The following ANXA11 variants were observed in gnomAD, a reference collection of about 807,000 sequenced individuals.
ANXA11 encodes annexin A11.
Under a neutral mutation model 64.7 loss-of-function variants are expected in ANXA11, and 57 were observed. The ratio of observed to expected loss-of-function variants is 0.88; its 90% CI spans 0.71 to 1.10. ANXA11 has a LOEUF of 1.10. Ranked by LOEUF, ANXA11 falls within the 50% of genes least tolerant of loss-of-function variation. The probability of loss-of-function intolerance (pLI) is 0.00; values close to 1 mark genes in which losing one functional copy is unlikely to be tolerated. For synonymous variants in ANXA11, 260 were observed against 265.2 expected, an observed-to-expected ratio of 0.98 and a Z score of 0.19; for missense variants, 675 against 670.7, an observed-to-expected ratio of 1.01 and a Z score of -0.07.
At chr10:80,176,299 C>G (rs1351376562) in intron 1 of ANXA11, 144 bp from the exon 2 acceptor site, 1 of 152,188 alleles carries the variant, frequency 6.6e-6, no homozygotes, top group Non-Finnish European at 1.5e-5. Context: ...TTAGCCAGCT[C>G]TGTATATGGA....
intron 4 of ANXA11, among the ~76,000 whole-genome samples, chr10:80,170,397 G>T (rs1845923957): frequency 6.6e-6 from 1 of 152,154 alleles, no homozygotes; most frequent in Non-Finnish European, 1.5e-5. Context: ...CAAGATACCT[G>T]CCACACACCC....
Position 80,175,112 on chromosome 10 carries a change from C to T in ANXA11, c.-9+995G>A, listed in dbSNP as rs541602854. Among the ~76,000 whole-genome samples the T allele has an allele frequency of 1.4e-4, 22 of 152,316 alleles. 1 individual carries two copies. In the South Asian group the frequency reaches 4.6e-3, roughly 32 times the overall value. ...TGGTGGATGAGGTCCCCGGTGGCAT[C>T]ACCTTCAGAGAGGGTGTCCCTGAGG... On this transcript the variant is annotated intron_variant, in intron 2 of 15. Transcript: ENST00000422982.
At chr10:80,191,819 T>G (rs1215180381) in intron 1 of ANXA11, among the ~76,000 whole-genome samples, 1 of 152,154 alleles carries the variant, frequency 6.6e-6, no homozygotes, top group African/African-American at 2.4e-5. Context: ...AGCCAGGACC[T>G]CACAACCGGA....
chr10:80,202,671 A>C (rs1840483371), intron 1 of ANXA11, among the ~76,000 whole-genome samples: 2 of 152,178 alleles, frequency 1.3e-5, no homozygotes, highest in South Asian at 4.1e-4. Flanking sequence ...GTGCTGGTGA[A>C]GCATACCCTT....
At chr10:80,167,095 C>G in intron 6 of ANXA11, 111 bp from the exon 7 acceptor site, 6 of 1,252,134 alleles carry the variant, frequency 4.8e-6, no homozygotes, top group Middle Eastern at 2.3e-4. Flanking sequence ...AGCCATACCC[C>G]CACATCCACC....
Position 80,169,154 on chromosome 10 carries a change from C to A in ANXA11, c.376G>T (p.Ala126Ser). Residue 126 changes from alanine (A) to serine (S), a missense_variant, in exon 5 of 16, where the codon GCC (alanine) becomes TCC (serine). Physicochemically the swap from Ala to Ser is moderately conservative, Grantham distance 99. Transcript: ENST00000422982. ...RMPSYPPYPGAPVPGQPMPPP... is the reference protein window; with the variant it reads ...RMPSYPPYPGSPVPGQPMPPP... The stretch of plus-strand genomic sequence containing the variant: ...GGCATGGGCTGGCCCGGCACAGGGG[C>A]CCCTGGGTATGGCGGATATGAGGGC... 1.9e-6 allele frequency: 3 copies of A among 1,566,118 alleles called. No individual in the cohort carries two copies. The highest frequency in any genetic ancestry group is 2.6e-6 in the Non-Finnish European group (3 of 1,160,562).
Position 80,159,199 on chromosome 10 carries a change from T to C in ANXA11, c.1181-4A>G, listed in dbSNP as rs746761934. The C allele has an allele frequency of 2.0e-5, 32 of 1,612,596 alleles. No individual in the cohort carries two copies. The highest frequency in any genetic ancestry group is 5.0e-5 in the Admixed American group (3 of 60,020). ...ATTCTCTGGTACTCATTGAAAACTA[T>C]GGGGATGACAGAGGCTTATATTATG... On this transcript the variant is annotated splice_region_variant and splice_polypyrimidine_tract_variant and intron_variant, in intron 12 of 15. Transcript: ENST00000422982.
At chr10:80,189,519 C>T (rs923411684) in intron 1 of ANXA11, among the ~76,000 whole-genome samples, 1 of 152,244 alleles carries the variant, frequency 6.6e-6, no homozygotes, top group African/African-American at 2.4e-5. Flanking sequence ...CCAGCAATCT[C>T]ACTCCTGGGC....
chr10:80,166,038 G>GCA (rs762217655), intron 8 of ANXA11, 46 bp downstream of exon 8: 89 of 557,374 alleles, frequency 1.6e-4, no homozygotes, highest in African/African-American at 5.2e-4. Flanking sequence ...GCGCACACAC[G>GCA]CGCGCACACA....
At chr10:80,183,951 G>C (rs1418779074) in intron 1 of ANXA11, among the ~76,000 whole-genome samples, 1 of 152,192 alleles carries the variant, frequency 6.6e-6, no homozygotes, top group Non-Finnish European at 1.5e-5. Flanking sequence ...TGTGGCTGTG[G>C]AATTCCATGG....
chr10:80,202,889 T>C (rs7085112), intron 1 of ANXA11, among the ~76,000 whole-genome samples: 3,245 of 151,494 alleles, frequency 0.021, 116 homozygotes, highest in African/African-American at 0.075. Flanking sequence ...CTACTAAAAA[T>C]ACAAAAATTA....
At position 80,195,782 on chromosome 10, in the gene ANXA11, C is replaced by T. The variant is rs187454440; in HGVS notation, c.-58+9561G>A. ...CAATCATGGCTGAAGGTGAAAGGCA[C>T]GTCTCACATGGCAGCAGACAAGAGA... On this transcript the variant is annotated intron_variant, in intron 1 of 15. Coordinates refer to ENST00000422982, the MANE Select transcript of ANXA11 (RefSeq NM_145868.2). The T allele has an allele frequency of 2.7e-3, 430 of 161,876 alleles. 1 individual carries two copies. The highest frequency in any genetic ancestry group is 5.7e-3 in the Admixed American group (89 of 15,672). 10.0% of individuals were successfully genotyped at this position (161,876 alleles called of 1,614,324 possible).
chr10:80,163,613 T>C lies in ANXA11; in HGVS notation c.950A>G (p.Glu317Gly), dbSNP rs1845609590. Residue 317 changes from glutamate (E) to glycine (G), a missense_variant and splice_region_variant, in exon 10 of 16, where the codon GAA becomes GGA. Glu to Gly is a moderately conservative substitution (Grantham distance 98). Transcript: ENST00000422982. The stretch of plus-strand genomic sequence containing the variant: ...GGCCTCTTCCAGGGTCTTTTTGAAT[T>C]CTGAAAGGGAGAAGCAAGGAAGGTC... ...IRELNRAYKAEFKKTLEEAIR... is the reference protein window; with the variant it reads ...IRELNRAYKAGFKKTLEEAIR... 6.4e-7 allele frequency: 1 copy of C among 1,552,460 alleles called. No homozygotes were observed. The highest frequency in any genetic ancestry group is 8.7e-7 in the Non-Finnish European group (1 of 1,148,110).
intron 15 of ANXA11, chr10:80,156,985 T>G (rs926042286): frequency 2.0e-6 from 2 of 985,264 alleles, no homozygotes; most frequent in African/African-American, 3.5e-5. Context: ...ACCACACAGC[T>G]GAGAATGTAT....
At chr10:80,157,494 G>T in intron 15 of ANXA11, 147 bp downstream of exon 15, 1 of 1,466,358 alleles carries the variant, frequency 6.8e-7, no homozygotes, top group Non-Finnish European at 9.0e-7. Flanking sequence ...TCTGTTTAAG[G>T]GCAAGGGGAT....
In ANXA11 at chr10:80,166,959, G is replaced by A. The variant is rs1382853056; in HGVS notation, c.675C>T (p.Asp225=). 6.2e-7 allele frequency: 1 copy of A among 1,606,476 alleles called. No individual in the cohort carries two copies. Among genetic ancestry groups the A allele is most frequent in the Non-Finnish European group, 8.5e-7 (1 of 1,177,182 alleles). Reference sequence around the variant, plus strand: ...GCTTGTTGGAGCGACTCCCCAGGCAGTCAATGATGGCCTGCTCATCCGTCC... The same window carrying A: ...GCTTGTTGGAGCGACTCCCCAGGCAATCAATGATGGCCTGCTCATCCGTCC... ...GFGTDEQAII[D]CLGSRSNKQR... Residue 225 remains aspartate, a synonymous_variant, in exon 7 of 16, where the codon GAC becomes GAT. Transcript: ENST00000422982.
intron 1 of ANXA11, chr10:80,204,900 C>G (rs934129918): frequency 2.6e-5 from 4 of 152,248 alleles, no homozygotes; most frequent in Non-Finnish European, 5.9e-5. Flanking sequence ...TGAAGATAGC[C>G]TTCTCTGCTT....
intron 13 of ANXA11, among the ~76,000 whole-genome samples, chr10:80,158,284 G>A (rs1019185434): frequency 3.0e-4 from 45 of 152,312 alleles, no homozygotes; most frequent in African/African-American, 1.1e-3. Flanking sequence ...AAGAGTCAGA[G>A]GGGCGGGGGT....
intron 7 of ANXA11, chr10:80,166,435 G>T: frequency 3.9e-6 from 2 of 514,112 alleles, no homozygotes; most frequent in Admixed American, 3.5e-5. Context: ...AGAAGCACTG[G>T]GCTAGAACAC....
Sources: gnomAD v4.1 joint callset for allele counts (sites outside exome capture counted in the v4.1 genomes callset) on GRCh38, gnomAD v4.1.1 for gene constraint, MANE v1.5 for transcripts, NCBI Gene and HGNC (gene_info 2026-07-23, HGNC 2026-07-21) for gene names.